The following ENAH variants were observed in gnomAD, a reference collection of about 807,000 sequenced individuals.
The protein encoded by ENAH is protein enabled homolog.
ENAH carries 23 observed loss-of-function variants against 78.7 expected under a neutral mutation model. The ratio of observed to expected loss-of-function variants is 0.29; its 90% CI spans 0.21 to 0.41. The LOEUF (loss-of-function observed/expected upper bound fraction) is 0.41, where lower values mean the gene tolerates loss of function less well. Ranked by LOEUF, ENAH falls within the 10% of genes least tolerant of loss-of-function variation. The pLI is 1.00. For synonymous variants in ENAH, 226 were observed against 241.0 expected (o/e 0.94, Z 0.58); for missense variants, 544 against 691.0 (o/e 0.79, Z 2.39).
At chr1:225,594,915 C>A (rs2096895011) in intron 1 of ENAH, among the ~76,000 whole-genome samples, 1 of 152,042 alleles carries the variant, frequency 6.6e-6, no homozygotes, top group South Asian at 2.1e-4. Flanking sequence ...AGAATTAATA[C>A]AATCAAGAAA....
intron 1 of ENAH, among the ~76,000 whole-genome samples, chr1:225,650,654 T>C (rs1253987291): frequency 6.6e-6 from 1 of 151,816 alleles, no homozygotes; most frequent in Admixed American, 6.6e-5. Context: ...TTGGAGACCA[T>C]CCTGGCTAAC....
chr1:225,553,999 C>T (rs995889059), intron 3 of ENAH, among the ~76,000 whole-genome samples: 5 of 152,180 alleles, frequency 3.3e-5, no homozygotes, highest in African/African-American at 1.2e-4. Flanking sequence ...TATAAGGCAA[C>T]ATATACATTG....
Position 225,500,992 on chromosome 1 carries a change from C to G in ENAH, c.1617G>C (p.Gln539His). Residue 539 changes from glutamine (Q) to histidine (H), a missense_variant and splice_region_variant, in exon 12 of 14, where the codon CAG becomes CAC. Physicochemically the swap from Gln to His is conservative, Grantham distance 24. This residue lies in a region of ENAH where 97 missense variants were observed against 124.4 expected (regional missense o/e 0.78). Transcript: ENST00000366843. ...AGGAAAGCTGCCACTGAGCACCCAC[C>G]TGCTTCAGCCTGTCATAGTCAAGTC... Reference protein sequence around the residue: ...TEGLDYDRLKQDILDEMRKEL... With the variant: ...TEGLDYDRLKHDILDEMRKEL... 6.2e-7 allele frequency: 1 copy of G among 1,613,906 alleles called. No individual in the cohort carries two copies. Among genetic ancestry groups the G allele is most frequent in the Non-Finnish European group, 8.5e-7 (1 of 1,179,888 alleles).
chr1:225,609,656 ATTTTTT>A (rs59508510), intron 1 of ENAH, among the ~76,000 whole-genome samples: 6 of 76,508 alleles, frequency 7.8e-5, no homozygotes, highest in South Asian at 5.0e-4. Flanking sequence ...GGAAAAATGG[ATTTTTT>A]TTTTTTTTTT....
At chr1:225,598,956 G>A (rs1339443683) in intron 1 of ENAH, among the ~76,000 whole-genome samples, 3 of 152,054 alleles carry the variant, frequency 2.0e-5, no homozygotes, top group African/African-American at 7.2e-5. Flanking sequence ...AGAAAAGGAT[G>A]TCTTTAAAAT....
At position 225,496,569 on chromosome 1, in the gene ENAH, C is replaced by T. The variant is rs969957501; in HGVS notation, c.*1206G>A. 2 of 152,750 alleles carry T rather than the reference C, an allele frequency of 1.3e-5. No individual in the cohort carries two copies. The highest frequency in any genetic ancestry group is 4.8e-5 in the African/African-American group (2 of 41,568). 9.5% of individuals were successfully genotyped at this position (152,750 alleles called of 1,614,324 possible). On this transcript the variant is annotated 3_prime_UTR_variant, in exon 14 of 14. Coordinates refer to ENST00000366843, the MANE Select transcript of ENAH (RefSeq NM_018212.6). ...ATAACTGCCAAATTCAGTGATCAAA[C>T]TTTTGAGTTCCACAGTTAAGATATT... is the stretch of plus-strand genomic sequence containing the variant.
intron 4 of ENAH, among the ~76,000 whole-genome samples, chr1:225,527,673 C>T (rs1243935418): frequency 1.3e-5 from 2 of 152,200 alleles, no homozygotes; most frequent in Non-Finnish European, 2.9e-5. Context: ...ACAACCTCAT[C>T]TAACCATACC....
chr1:225,532,743 A>G (rs1359394743), intron 3 of ENAH, among the ~76,000 whole-genome samples: 1 of 152,154 alleles, frequency 6.6e-6, no homozygotes, highest in Non-Finnish European at 1.5e-5. Context: ...AGCTTTTTAA[A>G]AGCTTACTAA....
chr1:225,606,525 G>A (rs2148061580), intron 1 of ENAH, among the ~76,000 whole-genome samples: 2 of 151,512 alleles, frequency 1.3e-5, no homozygotes, highest in South Asian at 4.2e-4. Flanking sequence ...GTACAATCTA[G>A]TTAAGCTATA....
intron 6 of ENAH, 99 bp downstream of exon 6, chr1:225,517,097 G>A: frequency 1.0e-6 from 1 of 980,334 alleles, no homozygotes; most frequent in Non-Finnish European, 1.4e-6. Context: ...AAATGTTCAA[G>A]GATCAAAACC....
At position 225,542,094 on chromosome 1, in the gene ENAH, C is replaced by G. The variant is rs531224620; in HGVS notation, c.350-11456G>C. Among the ~76,000 whole-genome samples, 3 of 152,290 alleles carry G rather than the reference C, an allele frequency of 2.0e-5. No individual in the cohort carries two copies. The South Asian group carries it at 6.2e-4, about 32-fold the overall frequency. ...ACAAGGCCTCACTATGTTGCCCAAGCTGGTCTTAAAATCTTGACCTCAAGT... is the reference window on the plus strand; with the variant it reads ...ACAAGGCCTCACTATGTTGCCCAAGGTGGTCTTAAAATCTTGACCTCAAGT... On this transcript the variant is annotated intron_variant, in intron 3 of 13. Transcript: ENST00000366843.
chr1:225,585,411 T>A (rs1439390776), intron 1 of ENAH, among the ~76,000 whole-genome samples: 6 of 152,016 alleles, frequency 3.9e-5, no homozygotes, highest in African/African-American at 1.5e-4. Context: ...AAAGACACTA[T>A]ACATAATAAC....
At chr1:225,618,577 C>T (rs1656234145) in intron 1 of ENAH, among the ~76,000 whole-genome samples, 1 of 152,188 alleles carries the variant, frequency 6.6e-6, no homozygotes, top group Non-Finnish European at 1.5e-5. Flanking sequence ...TAGACAGGTG[C>T]TCAGAACTGT....
At position 225,512,981 on chromosome 1, in the gene ENAH, A is replaced by G. The variant is rs1437252895; in HGVS notation, c.1254T>C (p.Ala418=). The G allele has an allele frequency of 6.2e-7, 1 of 1,613,554 alleles. No homozygotes were observed. Among genetic ancestry groups the G allele is most frequent in the East Asian group, 2.2e-5 (1 of 44,880 alleles). Reference sequence around the variant, plus strand: ...TAGATGAGGCGGAGTTCACACCAATAGCATTCCCTCCACTTGGGAAAGAGG... The same window carrying G: ...TAGATGAGGCGGAGTTCACACCAATGGCATTCCCTCCACTTGGGAAAGAGG... ...EDTSFPSGGN[A]IGVNSASSKT... is the part of the protein sequence containing the mutation. The change falls in exon 8 of 14, where the codon GCT becomes GCC. Residue 418 remains alanine, a synonymous_variant. Transcript: ENST00000366843.
intron 1 of ENAH, among the ~76,000 whole-genome samples, chr1:225,593,797 T>C (rs2096889575): frequency 6.6e-6 from 1 of 152,238 alleles, no homozygotes; most frequent in South Asian, 2.1e-4. Context: ...CCTGTGCTTC[T>C]ACAAAAGGTT....
chr1:225,640,132 T>C (rs1558949811), intron 1 of ENAH, among the ~76,000 whole-genome samples: 2 of 152,192 alleles, frequency 1.3e-5, no homozygotes, highest in African/African-American at 2.4e-5. Context: ...CAAAAAGGAC[T>C]GTCTTTATGA....
At chr1:225,547,335 G>T (rs1202332627) in intron 3 of ENAH, among the ~76,000 whole-genome samples, 1 of 152,134 alleles carries the variant, frequency 6.6e-6, no homozygotes, top group Admixed American at 6.6e-5. Context: ...CTCCCAAAGT[G>T]CTGGGATTAC....
chr1:225,621,278 T>G (rs79744912), intron 1 of ENAH, among the ~76,000 whole-genome samples: 3 of 151,712 alleles, frequency 2.0e-5, no homozygotes, highest in Non-Finnish European at 4.4e-5. Context: ...TGGGAATTAC[T>G]TCTTTAAATC....
intron 4 of ENAH, among the ~76,000 whole-genome samples, chr1:225,519,894 A>G (rs2096454158): frequency 6.6e-6 from 1 of 152,232 alleles, no homozygotes; most frequent in Non-Finnish European, 1.5e-5. Context: ...TATTTTAATT[A>G]TTTAGTGAAA....
Sources: allele counts gnomAD v4.1 joint callset (sites outside exome capture counted in the v4.1 genomes callset), GRCh38; gene constraint gnomAD v4.1.1; regional missense constraint gnomAD v4.1.1; transcripts MANE v1.5; gene names NCBI Gene and HGNC (gene_info 2026-07-23, HGNC 2026-07-21).